Variants in MCM2 observed in about 807,000 individuals in gnomAD.
The protein encoded by MCM2 is DNA replication licensing factor MCM2.
MCM2 carries 49 observed loss-of-function variants against 86.4 expected under a neutral mutation model. The observed-to-expected ratio is 0.57, with a 90% confidence interval of 0.45 to 0.72. The LOEUF is 0.72. Among genes scored for constraint, MCM2 ranks in the 30% least tolerant of loss-of-function variants. The pLI, the probability that MCM2 is intolerant of heterozygous loss-of-function variation, is 0.00. For synonymous variants in MCM2, 475 were observed against 484.6 expected (o/e 0.98, Z 0.26); for missense variants, 1,038 against 1,259.9 (o/e 0.82, Z 2.67).
rs752844709 is a variant in MCM2, at chr3:127,618,018, A to G, written c.1950A>G (p.Thr650=). ...CTTTCTCTGAGAACGTGGACCTCAC[A>G]GAGCCCATCATCTCACGCTTTGACA... is the stretch of plus-strand genomic sequence containing the variant. ...SLTFSENVDL[T]EPIISRFDIL... is the part of the protein sequence containing the mutation. The change falls in exon 12 of 16, where the codon ACA becomes ACG. Residue 650 remains threonine (T), a synonymous_variant. Transcript: ENST00000265056. This position sits in a 1 kb window ranked among gnomAD's most constrained non-coding sequence, Gnocchi z 4.0. The G allele has an allele frequency of 1.2e-6, 2 of 1,614,152 alleles. No homozygotes were observed. The highest frequency in any genetic ancestry group is 1.7e-6 in the Non-Finnish European group (2 of 1,180,024).
rs780368141 is a variant in MCM2 at position 127,617,100 on chromosome 3, C to T, written c.1755C>T (p.Leu585=). 2 of 1,613,578 alleles carry T rather than the reference C, an allele frequency of 1.2e-6. No individual in the cohort carries two copies. Among genetic ancestry groups the T allele is most frequent in the Admixed American group, 3.3e-5 (2 of 60,004 alleles). The change falls in exon 10 of 16, where the codon CTC becomes CTT. Residue 585 remains leucine, a synonymous_variant. Transcript: ENST00000265056. The surrounding 1 kb of genome is among the most constrained non-coding windows in gnomAD (Gnocchi z 4.1). Reference sequence around the variant, plus strand: ...TTCTGGCTGACCGAGGAGTGTGTCTCATTGATGAATTTGACAAGGTGGGTC... The same window carrying T: ...TTCTGGCTGACCGAGGAGTGTGTCTTATTGATGAATTTGACAAGGTGGGTC... ...ALVLADRGVC[L]IDEFDKMNDQ...
Position 127,618,132 on chromosome 3 carries a change from G to A in MCM2, c.2013+51G>A. ...CATGAACTGTGGTTTGGGGACCTCA[G>A]GTGAGGCTTGGGGTCATACAGTGTG... On this transcript the variant is annotated intron_variant, in intron 12 of 15. Coordinates refer to ENST00000265056, the MANE Select transcript of MCM2 (RefSeq NM_004526.4). This position sits in a 1 kb window ranked among gnomAD's most constrained non-coding sequence, Gnocchi z 4.0. 1 of 1,462,072 alleles carries A rather than the reference G, an allele frequency of 6.8e-7. No individual in the cohort carries two copies. Among genetic ancestry groups the A allele is most frequent in the Non-Finnish European group, 9.5e-7 (1 of 1,048,160 alleles). 90.6% of individuals were successfully genotyped at this position (1,462,072 alleles called of 1,614,324 possible).
rs762198268 is a variant in MCM2 at position 127,606,358 on chromosome 3, G to A, written c.893+21G>A. Reference sequence around the variant, plus strand: ...CTGAGGTGAGCTGAGGGCAGGTGAGGATGGCAGGTCCGAGCTCAGTGCTGG... The same window carrying A: ...CTGAGGTGAGCTGAGGGCAGGTGAGAATGGCAGGTCCGAGCTCAGTGCTGG... On this transcript the variant is annotated intron_variant, in intron 5 of 15. Coordinates refer to ENST00000265056, the MANE Select transcript of MCM2 (RefSeq NM_004526.4). This position sits in a 1 kb window ranked among gnomAD's most constrained non-coding sequence, Gnocchi z 4.2. 1 of 1,612,636 alleles carries A rather than the reference G, an allele frequency of 6.2e-7. No homozygotes were observed. Among genetic ancestry groups the A allele is most frequent in the Non-Finnish European group, 8.5e-7 (1 of 1,178,796 alleles).
chr3:127,604,613 A>G lies in MCM2; in HGVS notation c.242A>G (p.Tyr81Cys). 6.2e-7 allele frequency: 1 copy of G among 1,612,876 alleles called. No homozygotes were observed. Among genetic ancestry groups the G allele is most frequent in the Non-Finnish European group, 8.5e-7 (1 of 1,179,816 alleles). The change falls in exon 3 of 16, where the codon TAC (tyrosine) becomes TGC (cysteine). Residue 81 changes from tyrosine (Y) to cysteine (C), a missense_variant. Transcript: ENST00000265056. The stretch of plus-strand genomic sequence containing the variant: ...CTGTTTTGGTGCTCCCTCAGGGACT[A>G]CCGCGCCATCCCAGAGCTGGACGCC... ...ELIGDGMERD[Y>C]RAIPELDAYE...
At chr3:127,600,869 G>A (rs1254281331) in intron 2 of MCM2, among the ~76,000 whole-genome samples, 1 of 148,182 alleles carries the variant, frequency 6.7e-6, no homozygotes, top group Non-Finnish European at 1.5e-5. Flanking sequence ...TTGTTTTTGT[G>A]GTTTTTCAAA....
At chr3:127,609,153 G>T in intron 8 of MCM2, 130 bp downstream of exon 8, 4 of 932,306 alleles carry the variant, frequency 4.3e-6, no homozygotes, top group Non-Finnish European at 6.4e-6. Flanking sequence ...CAGTAAGCTT[G>T]TCTGGAAGGG....
At position 127,606,951 on chromosome 3, in the gene MCM2, CA is replaced by C; in HGVS notation, c.1101+135del. ...GCAAGATAGAATTGTGTGTTGGCCA[CA>C]CCCTGGGGTGGACCCAGTCTGTCTG... On this transcript the variant is annotated intron_variant, in intron 6 of 15. Coordinates refer to ENST00000265056, the MANE Select transcript of MCM2 (RefSeq NM_004526.4). The surrounding 1 kb of genome is among the most constrained non-coding windows in gnomAD (Gnocchi z 4.2). 1.2e-6 allele frequency: 1 copy of C among 862,386 alleles called. No individual in the cohort carries two copies. 53.4% of individuals were successfully genotyped at this position (862,386 alleles called of 1,614,324 possible).
In MCM2 at chr3:127,599,206, GA is replaced by G. The variant is rs527752236; in HGVS notation, c.7-111del. On this transcript the variant is annotated intron_variant, in intron 1 of 15. Coordinates refer to ENST00000265056, the MANE Select transcript of MCM2 (RefSeq NM_004526.4). ...CTGGAAGGGGTTTGGTGTGTTGGAG[GA>G]CAAGAGTCACAGGTGGAGAGAAAGA... is the stretch of plus-strand genomic sequence containing the variant. The G allele has an allele frequency of 1.2e-3, 995 of 860,316 alleles. 15 individuals carry two copies. In the South Asian group the frequency reaches 0.015, roughly 13 times the overall value. 53.3% of individuals were successfully genotyped at this position (860,316 alleles called of 1,614,324 possible).
chr3:127,601,194 T>C (rs887331795), intron 2 of MCM2, among the ~76,000 whole-genome samples: 1 of 152,254 alleles, frequency 6.6e-6, no homozygotes, highest in Non-Finnish European at 1.5e-5. Context: ...TTTAAGGTCT[T>C]TCTGTGTTCT....
In MCM2 at chr3:127,621,238, C is replaced by G; in HGVS notation, c.2604+10C>G. The G allele has an allele frequency of 6.2e-7, 1 of 1,613,524 alleles. No individual in the cohort carries two copies. Among genetic ancestry groups the G allele is most frequent in the South Asian group, 1.1e-5 (1 of 91,030 alleles). ...GGACTTGGTGGATAAGGTATGGGCC[C>G]GGAAGGGAGGTGAGGGTTGGGGTAT... is the stretch of plus-strand genomic sequence containing the variant. On this transcript the variant is annotated intron_variant, in intron 15 of 15. Transcript: ENST00000265056.
chr3:127,604,533 C>G (rs1395468971), intron 2 of MCM2, 75 bp from the exon 3 acceptor site: 2 of 1,496,408 alleles, frequency 1.3e-6, no homozygotes, highest in Admixed American at 1.9e-5. Flanking sequence ...GGAACAGGCC[C>G]AGTTCCTGGA....
intron 15 of MCM2, 127 bp downstream of exon 15, chr3:127,621,355 G>C: frequency 8.7e-7 from 1 of 1,144,180 alleles, no homozygotes; most frequent in Admixed American, 2.3e-5. Context: ...TTTATTGAAT[G>C]CTTACAGTCT....
chr3:127,617,158 G>C lies in MCM2; in HGVS notation c.1773+40G>C. 6.2e-7 allele frequency: 1 copy of C among 1,607,650 alleles called. No individual in the cohort carries two copies. Among genetic ancestry groups the C allele is most frequent in the South Asian group, 1.1e-5 (1 of 90,338 alleles). ...CACGGAGGCTGGTGGAACTCAGGGG[G>C]TGTGTGTGGGCTTGGGCCTTAGCGA... On this transcript the variant is annotated intron_variant, in intron 10 of 15. Transcript: ENST00000265056. This position sits in a 1 kb window ranked among gnomAD's most constrained non-coding sequence, Gnocchi z 4.1.
rs140473831 is a variant in MCM2 at position 127,603,979 on chromosome 3, A to C, written c.237-629A>C. On this transcript the variant is annotated intron_variant, in intron 2 of 15. Coordinates refer to ENST00000265056, the MANE Select transcript of MCM2 (RefSeq NM_004526.4). ...CCGGCCATTTTCTATTTTTATACAGATGGGGTCTCACTATGTTAAGGCTGT... is the reference window on the plus strand; with the variant it reads ...CCGGCCATTTTCTATTTTTATACAGCTGGGGTCTCACTATGTTAAGGCTGT... Among the ~76,000 whole-genome samples, 607 of 152,042 alleles carry C rather than the reference A, an allele frequency of 4.0e-3. 5 individuals are homozygous for C. Among genetic ancestry groups the C allele is most frequent in the African/African-American group, 0.014 (582 of 41,480 alleles).
At position 127,617,469 on chromosome 3, in the gene MCM2, T is replaced by C. The variant is rs1029394431; in HGVS notation, c.1900+64T>C. On this transcript the variant is annotated intron_variant, in intron 11 of 15. Coordinates refer to ENST00000265056, the MANE Select transcript of MCM2 (RefSeq NM_004526.4). The surrounding 1 kb of genome is among the most constrained non-coding windows in gnomAD (Gnocchi z 4.1). ...CACAGGGAGGTCCCGCCTGCTTGAA[T>C]TGGGAGCCCACGGGGTCCCCAGGAG... The C allele has an allele frequency of 6.5e-6, 10 of 1,548,716 alleles. No individual in the cohort carries two copies. Among genetic ancestry groups the C allele is most frequent in the Admixed American group, 6.0e-5 (3 of 50,210 alleles).
chr3:127,600,241 A>G (rs1426633955), intron 2 of MCM2, among the ~76,000 whole-genome samples: 1 of 152,246 alleles, frequency 6.6e-6, no homozygotes, highest in Non-Finnish European at 1.5e-5. Flanking sequence ...AGATCACACC[A>G]CTGCACTCCA....
chr3:127,617,792 A>G lies in MCM2; in HGVS notation c.1901-177A>G, dbSNP rs2074444596. 1.7e-6 allele frequency: 1 copy of G among 604,308 alleles called. No homozygotes were observed. Among genetic ancestry groups the G allele is most frequent in the African/African-American group, 1.9e-5 (1 of 54,002 alleles). 37.4% of individuals were successfully genotyped at this position (604,308 alleles called of 1,614,324 possible). On this transcript the variant is annotated intron_variant, in intron 11 of 15. Coordinates refer to ENST00000265056, the MANE Select transcript of MCM2 (RefSeq NM_004526.4). This position sits in a 1 kb window ranked among gnomAD's most constrained non-coding sequence, Gnocchi z 4.1. ...TTATGCTTTCTGTCTAAATTAGGCTATTTTGGGCCCTGGTTAGGGTAAGCT... is the reference window on the plus strand; with the variant it reads ...TTATGCTTTCTGTCTAAATTAGGCTGTTTTGGGCCCTGGTTAGGGTAAGCT...
intron 2 of MCM2, among the ~76,000 whole-genome samples, chr3:127,603,174 T>C (rs895209446): frequency 2.0e-5 from 3 of 151,976 alleles, no homozygotes; most frequent in African/African-American, 7.3e-5. Context: ...GTAATTTTTG[T>C]ATTTTTAGTA....
At chr3:127,604,859 G>T in intron 3 of MCM2, 37 bp from the exon 4 acceptor site, 1 of 1,586,182 alleles carries the variant, frequency 6.3e-7, no homozygotes, top group Non-Finnish European at 8.6e-7. Flanking sequence ...AAGGTGCTGG[G>T]GATGACCGCA....
Sources: allele counts gnomAD v4.1 joint callset (sites outside exome capture counted in the v4.1 genomes callset), GRCh38; gene constraint gnomAD v4.1.1; non-coding constraint Gnocchi (gnomAD v3.1); transcripts MANE v1.5; gene names NCBI Gene and HGNC (gene_info 2026-07-23, HGNC 2026-07-21).